Variants in LURAP1 observed in about 807,000 individuals in gnomAD.
The protein encoded by LURAP1 is leucine rich adaptor protein 1.
In LURAP1, 14 loss-of-function variants were observed where a neutral mutation model predicts 19.0. The observed-to-expected ratio is 0.74, with a 90% confidence interval of 0.49 to 1.15. The LOEUF is 1.15. Among genes scored for constraint, LURAP1 ranks in the 50% most tolerant of loss-of-function variants. The pLI is 0.00. For missense variants in LURAP1, 273 were observed against 309.1 expected (o/e 0.88, Z 0.87); for synonymous variants, 129 against 131.8 (o/e 0.98, Z 0.14).
intron 1 of LURAP1, among the ~76,000 whole-genome samples, chr1:46,210,752 C>T (rs149566730): frequency 1.1e-3 from 174 of 152,214 alleles, no homozygotes; most frequent in African/African-American, 4.0e-3. Flanking sequence ...GCTACTTGGA[C>T]GCTCTCTGAA....
chr1:46,219,908 C>A lies in LURAP1; in HGVS notation c.408C>A (p.Thr136=), dbSNP rs200634346. ...SWDSLPDTST[T]DRLDSVSIGS... The stretch of plus-strand genomic sequence containing the variant: ...ACAGCCTGCCAGACACCAGCACCAC[C>A]GACCGGCTGGACAGTGTCTCTATTG... The change falls in exon 2 of 2, where the codon ACC becomes ACA. Residue 136 remains threonine, a synonymous_variant. Transcript: ENST00000371980. 2 of 1,613,906 alleles carry A rather than the reference C, an allele frequency of 1.2e-6. No individual in the cohort carries two copies. The highest frequency in any genetic ancestry group is 1.7e-6 in the Non-Finnish European group (2 of 1,179,918).
chr1:46,211,319 G>C (rs1470901869), intron 1 of LURAP1, among the ~76,000 whole-genome samples: 2 of 152,102 alleles, frequency 1.3e-5, no homozygotes, highest in African/African-American at 4.8e-5. Flanking sequence ...GGTGAGAGGA[G>C]AGCAGGAGAA....
intron 1 of LURAP1, among the ~76,000 whole-genome samples, chr1:46,211,615 G>A (rs1200475583): frequency 6.6e-6 from 1 of 152,092 alleles, no homozygotes; most frequent in Non-Finnish European, 1.5e-5. Context: ...GATGTCTCAT[G>A]ACAAACCTTT....
rs1262413471 is a variant in LURAP1, at chr1:46,221,223, G to C, written c.*1003G>C. ...TGTCAGATGTTTGTGCTTCTTTTCA[G>C]GTCTTACTTTTTAAATAGAGTGTTC... On this transcript the variant is annotated 3_prime_UTR_variant, in exon 2 of 2. Transcript: ENST00000371980. 12 of 152,206 alleles carry C rather than the reference G, an allele frequency of 7.9e-5. No individual in the cohort carries two copies. The highest frequency in any genetic ancestry group is 1.8e-4 in the Non-Finnish European group (12 of 68,058). The allele number at this position is 152,206 out of a possible 1,614,324, so 9.4% of individuals were successfully genotyped here.
intron 1 of LURAP1, among the ~76,000 whole-genome samples, chr1:46,206,933 C>A (rs1041193144): frequency 1.3e-5 from 2 of 152,128 alleles, no homozygotes; most frequent in Non-Finnish European, 2.9e-5. Context: ...GCTGGTAGAA[C>A]CCAGGAAGGG....
rs1659203197 is a variant in LURAP1 at position 46,220,397 on chromosome 1, T to C, written c.*177T>C. ...GGGAGTCTCTGCCTTTATCCCTCAA[T>C]TATTGGGTCCCTAGAGCTAGCTTGC... On this transcript the variant is annotated 3_prime_UTR_variant, in exon 2 of 2. Transcript: ENST00000371980. 3.1e-6 allele frequency: 2 copies of C among 641,046 alleles called. No individual in the cohort carries two copies. The highest frequency in any genetic ancestry group is 1.8e-5 in the African/African-American group (1 of 54,802). 39.7% of individuals were successfully genotyped at this position (641,046 alleles called of 1,614,324 possible). A position where few individuals can be genotyped will look rare whatever the true frequency, so the allele number is the denominator to read the frequency against.
In LURAP1 at chr1:46,220,169, C is replaced by T. The variant is rs150073699; in HGVS notation, c.669C>T (p.Phe223=). 5.3e-5 allele frequency: 86 copies of T among 1,614,010 alleles called. No homozygotes were observed. The highest frequency in any genetic ancestry group is 6.5e-5 in the Non-Finnish European group (77 of 1,179,998). The part of the protein sequence containing the change: ...SPEDESAKLG[F]EAHWFWEQCQ... ...AGGATGAGAGTGCCAAGCTGGGCTT[C>T]GAGGCCCACTGGTTCTGGGAGCAGT... The change falls in exon 2 of 2, where the codon TTC becomes TTT. Residue 223 remains phenylalanine (F), a synonymous_variant. Coordinates refer to ENST00000371980, the MANE Select transcript of LURAP1 (RefSeq NM_001013615.3).
At position 46,220,361 on chromosome 1, in the gene LURAP1, T is replaced by G; in HGVS notation, c.*141T>G. The G allele has an allele frequency of 2.3e-6, 2 of 864,194 alleles. No individual in the cohort carries two copies. The highest frequency in any genetic ancestry group is 3.6e-5 in the South Asian group (2 of 56,094). The allele number at this position is 864,194 out of a possible 1,614,324, so 53.5% of individuals were successfully genotyped here. A position where few individuals can be genotyped will look rare whatever the true frequency, so the allele number is the denominator to read the frequency against. On this transcript the variant is annotated 3_prime_UTR_variant, in exon 2 of 2. Coordinates refer to ENST00000371980, the MANE Select transcript of LURAP1 (RefSeq NM_001013615.3). The stretch of plus-strand genomic sequence containing the variant: ...CCATGGAAACCTGGCTCATCATTTC[T>G]CTAGTCCCTAGGGAGTCTCTGCCTT...
At chr1:46,204,646 G>C (rs1658657392) in intron 1 of LURAP1, among the ~76,000 whole-genome samples, 1 of 152,218 alleles carries the variant, frequency 6.6e-6, no homozygotes, top group Non-Finnish European at 1.5e-5. Context: ...GCTGGGAAGA[G>C]AGTCTGGTGG....
At chr1:46,215,390 A>T (rs1184467206) in intron 1 of LURAP1, among the ~76,000 whole-genome samples, 1 of 152,212 alleles carries the variant, frequency 6.6e-6, no homozygotes, top group Non-Finnish European at 1.5e-5. Context: ...AATCTCCCAG[A>T]ACTGAAGAAC....
chr1:46,215,769 A>ATG (rs1395286755), intron 1 of LURAP1, among the ~76,000 whole-genome samples: 1 of 152,046 alleles, frequency 6.6e-6, no homozygotes, highest in African/African-American at 2.4e-5. Flanking sequence ...GTGTAGGTAC[A>ATG]TGCCTGTAGT....
chr1:46,216,853 A>C (rs1441100415), intron 1 of LURAP1, among the ~76,000 whole-genome samples: 1 of 152,120 alleles, frequency 6.6e-6, no homozygotes. Flanking sequence ...TCATATACCC[A>C]ATGTTTAGCT....
intron 1 of LURAP1, among the ~76,000 whole-genome samples, chr1:46,207,143 C>T (rs61784562): frequency 3.4e-4 from 52 of 151,726 alleles, no homozygotes; most frequent in Non-Finnish European, 6.5e-4. Context: ...TGCAATGGTA[C>T]AATGTCGGTT....
intron 1 of LURAP1, among the ~76,000 whole-genome samples, chr1:46,212,344 G>A (rs973926572): frequency 2.0e-5 from 3 of 150,560 alleles, no homozygotes; most frequent in African/African-American, 4.9e-5. Context: ...GCAGTGGCGC[G>A]ATCTCAGCTC....
intron 1 of LURAP1, among the ~76,000 whole-genome samples, chr1:46,214,449 TAAAAG>T (rs548963228): frequency 5.5e-4 from 83 of 151,468 alleles, no homozygotes; most frequent in African/African-American, 2.0e-3. Flanking sequence ...CTTAAAGAGA[TAAAAG>T]ATAATACTGT....
At chr1:46,208,158 C>T (rs754924889) in intron 1 of LURAP1, among the ~76,000 whole-genome samples, 1 of 152,090 alleles carries the variant, frequency 6.6e-6, no homozygotes, top group African/African-American at 2.4e-5. Flanking sequence ...CCCCACCAGC[C>T]TTATTTATTT....
intron 1 of LURAP1, among the ~76,000 whole-genome samples, chr1:46,206,558 C>T (rs1658723653): frequency 6.6e-6 from 1 of 152,112 alleles, no homozygotes; most frequent in African/African-American, 2.4e-5. Context: ...AGCTGTTTAT[C>T]CTATACTCTA....
chr1:46,215,365 G>T (rs889510840), intron 1 of LURAP1, among the ~76,000 whole-genome samples: 6 of 152,016 alleles, frequency 3.9e-5, no homozygotes, highest in South Asian at 2.1e-4. Context: ...AATCATCAAA[G>T]AAATAATTTT....
chr1:46,219,479 CAA>C (rs1418033855), intron 1 of LURAP1, among the ~76,000 whole-genome samples: 2 of 152,258 alleles, frequency 1.3e-5, no homozygotes, highest in East Asian at 1.9e-4. Context: ...GTTTTACAAA[CAA>C]AGAGACTGAG....
Sources: gnomAD v4.1 joint callset for allele counts (sites outside exome capture counted in the v4.1 genomes callset) on GRCh38, gnomAD v4.1.1 for gene constraint, MANE v1.5 for transcripts, NCBI Gene and HGNC (gene_info 2026-07-23, HGNC 2026-07-21) for gene names.